The following RET variants were observed in gnomAD, a reference collection of about 807,000 sequenced individuals.
RET encodes the protein ret proto-oncogene.
RET carries 19 observed loss-of-function variants against 118.3 expected under a neutral mutation model. The observed-to-expected ratio is 0.16, with a 90% CI of 0.11 to 0.24. The LOEUF is 0.24. Ranked by LOEUF, RET falls within the 10% of genes least tolerant of loss-of-function variation. The pLI is 1.00. For synonymous variants in RET, 597 were observed against 644.1 expected, an observed-to-expected ratio of 0.93 and a Z score of 1.11; for missense variants, 1,219 against 1,502.1, an observed-to-expected ratio of 0.81 and a Z score of 3.12.
At chr10:43,109,431 T>G (rs780129661) in intron 6 of RET, among the ~76,000 whole-genome samples, 1 of 152,136 alleles carries the variant, frequency 6.6e-6, no homozygotes, top group African/African-American at 2.4e-5. Flanking sequence ...GGGGGCTCCT[T>G]GGGCCTCTCT....
At chr10:43,096,336 A>C (rs998916726) in intron 1 of RET, among the ~76,000 whole-genome samples, 4 of 151,890 alleles carry the variant, frequency 2.6e-5, no homozygotes, top group Non-Finnish European at 5.9e-5. Flanking sequence ...CAGGCTCAGC[A>C]CCTGCTGGCG....
In RET at chr10:43,113,579, G is replaced by A. The variant is rs1483605155; in HGVS notation, c.1783G>A (p.Glu595Lys). The A allele has an allele frequency of 1.9e-6, 3 of 1,610,212 alleles. No individual in the cohort carries two copies. The highest frequency in any genetic ancestry group is 3.4e-5 in the Admixed American group (2 of 59,550). The change falls in exon 10 of 20, where the codon GAG (glutamate) becomes AAG (lysine). Residue 595 changes from glutamate (E) to lysine (K), a missense_variant. Around this residue, in one of 5 missense-constraint regions of RET, gnomAD observed 850 missense variants for 969.6 expected, o/e 0.88. Transcript: ENST00000355710. ...AGGGGGCAGCATTGTTGGGGGACAC[G>A]AGCCTGGGGAGCCCCGGGGGATTAA... The part of the protein sequence containing the change: ...CLRGSIVGGH[E>K]PGEPRGIKAG...
At chr10:43,088,553 G>A (rs2132574713) in intron 1 of RET, among the ~76,000 whole-genome samples, 1 of 152,160 alleles carries the variant, frequency 6.6e-6, no homozygotes, top group East Asian at 1.9e-4. Flanking sequence ...TCGTGATGCA[G>A]CCATCTTCTG....
intron 6 of RET, 89 bp from the exon 7 acceptor site, chr10:43,111,106 GGGGGCTGTTCCA>G: frequency 6.4e-7 from 1 of 1,555,378 alleles, no homozygotes; most frequent in Non-Finnish European, 8.8e-7. Flanking sequence ...AGGCCCAGTT[GGGGGCTGTTCCA>G]GGACTTAGGC....
Position 43,123,745 on chromosome 10 carries a change from G to A in RET, c.2876G>A (p.Arg959Gln), listed in dbSNP as rs745650861. The change falls in exon 17 of 20, where the codon CGG becomes CAG. Residue 959 changes from arginine to glutamine, a missense_variant. Physicochemically the swap from Arg to Gln is conservative, Grantham distance 43. Coordinates refer to ENST00000355710, the MANE Select transcript of RET (RefSeq NM_020975.6). ...CCCTATCCTGGGATTCCTCCTGAGC[G>A]GCTCTTCAACCTTCTGAAGACCGGC... is the stretch of plus-strand genomic sequence containing the variant. Reference protein sequence around the residue: ...GNPYPGIPPERLFNLLKTGHR... With the variant: ...GNPYPGIPPEQLFNLLKTGHR... 1.5e-5 allele frequency: 25 copies of A among 1,614,056 alleles called. No individual in the cohort carries two copies. Among genetic ancestry groups the A allele is most frequent in the Middle Eastern group, 1.6e-4 (1 of 6,084 alleles).
chr10:43,119,428 T>C (rs546968470), intron 13 of RET, 103 bp from the exon 14 acceptor site: 24 of 893,322 alleles, frequency 2.7e-5, no homozygotes, highest in African/African-American at 6.6e-5. Context: ...CCCTTACTCA[T>C]TGGGTGGCCG....
chr10:43,118,521 C>T lies in RET; in HGVS notation c.2392+41C>T, dbSNP rs576267491. ...GGGTGAGGTGGGCAGCCACTGCACC[C>T]AGGCTGGGGGCTCCATACAGCCCTG... On this transcript the variant is annotated intron_variant, in intron 13 of 19. Coordinates refer to ENST00000355710, the MANE Select transcript of RET (RefSeq NM_020975.6). The T allele has an allele frequency of 1.4e-5, 21 of 1,455,352 alleles. No individual in the cohort carries two copies. The Admixed American group carries it at 2.5e-4, about 17-fold the overall frequency. The allele number at this position is 1,455,352 out of a possible 1,614,324, so 90.2% of individuals were successfully genotyped here.
chr10:43,127,429 G>GAAAGAACA, intron 19 of RET: 9 of 1,056,964 alleles, frequency 8.5e-6, no homozygotes, highest in Non-Finnish European at 1.0e-5. Flanking sequence ...CTGTGGTGCT[G>GAAAGAACA]TGGTCTTACA....
Position 43,119,575 on chromosome 10 carries a change from C to A in RET, c.2437C>A (p.Arg813=). Reference sequence around the variant, plus strand: ...GGAGTACGCCAAATACGGCTCCCTGCGGGGCTTCCTCCGCGAGAGCCGCAA... The same window carrying A: ...GGAGTACGCCAAATACGGCTCCCTGAGGGGCTTCCTCCGCGAGAGCCGCAA... The part of the protein sequence containing the change: ...IVEYAKYGSL[R]GFLRESRKVG... The change falls in exon 14 of 20, where the codon CGG becomes AGG. Residue 813 remains arginine (R), a synonymous_variant. Coordinates refer to ENST00000355710, the MANE Select transcript of RET (RefSeq NM_020975.6). 2 of 1,610,414 alleles carry A rather than the reference C, an allele frequency of 1.2e-6. No individual in the cohort carries two copies. The highest frequency in any genetic ancestry group is 4.5e-5 in the East Asian group (2 of 44,792).
At chr10:43,109,797 TTAA>T (rs199641359) in intron 6 of RET, among the ~76,000 whole-genome samples, 1 of 134,082 alleles carries the variant, frequency 7.5e-6, no homozygotes, top group Non-Finnish European at 1.7e-5. Context: ...TAAATATTCA[TTAA>T]AGAAGATGAG....
chr10:43,081,366 G>C (rs1837178399), intron 1 of RET, among the ~76,000 whole-genome samples: 2 of 152,250 alleles, frequency 1.3e-5, no homozygotes, highest in Admixed American at 6.5e-5. Flanking sequence ...GCACTCCTGA[G>C]GGAGCCTCGG....
At chr10:43,102,978 A>G (rs573075892) in intron 3 of RET, 1 of 377,856 alleles carries the variant, frequency 2.6e-6, no homozygotes, top group Non-Finnish European at 5.1e-6. Flanking sequence ...ACAGACGAGG[A>G]GACCTCCATT....
At chr10:43,079,910 C>T (rs554030577) in intron 1 of RET, among the ~76,000 whole-genome samples, 18 of 152,324 alleles carry the variant, frequency 1.2e-4, no homozygotes, top group East Asian at 3.9e-4. Flanking sequence ...ACCAGGTTCA[C>T]CTGGGCCTGG....
At chr10:43,104,633 G>C in intron 3 of RET, 1 of 504,930 alleles carries the variant, frequency 2.0e-6, no homozygotes, top group Non-Finnish European at 3.6e-6. Flanking sequence ...GGCCAGGTGG[G>C]CGGAGGGGTG....
At position 43,077,125 on chromosome 10, in the gene RET, G is replaced by A. The variant is rs1474984474; in HGVS notation, c.-134G>A. On this transcript the variant is annotated 5_prime_UTR_variant, in exon 1 of 20. Coordinates refer to ENST00000355710, the MANE Select transcript of RET (RefSeq NM_020975.6). ...CGCTGAGTGCCCCGGAACGTGCGTC[G>A]CGCCCCCAGTGTCCGTCGCGTCCGC... The A allele has an allele frequency of 2.8e-5, 34 of 1,234,316 alleles. No homozygotes were observed. The highest frequency in any genetic ancestry group is 3.0e-5 in the Non-Finnish European group (29 of 969,554). 76.5% of individuals were successfully genotyped at this position (1,234,316 alleles called of 1,614,324 possible). A position where few individuals can be genotyped will look rare whatever the true frequency, so the allele number is the denominator to read the frequency against.
At chr10:43,097,285 G>A (rs1837541684) in intron 1 of RET, among the ~76,000 whole-genome samples, 1 of 152,186 alleles carries the variant, frequency 6.6e-6, no homozygotes, top group South Asian at 2.1e-4. Flanking sequence ...TGCGACAGAT[G>A]GGGTGCCAGG....
intron 1 of RET, among the ~76,000 whole-genome samples, chr10:43,084,567 A>C (rs2435359): frequency 3.3e-5 from 5 of 152,102 alleles, no homozygotes; most frequent in African/African-American, 1.2e-4. Context: ...CTGTCTTGCC[A>C]TACAGCTGAC....
intron 1 of RET, among the ~76,000 whole-genome samples, chr10:43,083,456 C>A (rs1441155738): frequency 6.6e-6 from 1 of 152,226 alleles, no homozygotes. Flanking sequence ...GGTGGCCACA[C>A]CTCCCAGCCC....
chr10:43,098,421 C>CTTT (rs36075879), intron 1 of RET, among the ~76,000 whole-genome samples: 7,402 of 129,688 alleles, frequency 0.057, 361 homozygotes, highest in South Asian at 0.14. Flanking sequence ...GATTTTCCTC[C>CTTT]TTTTTTTTTT....
Sources: gnomAD v4.1 joint callset for allele counts (sites outside exome capture counted in the v4.1 genomes callset) on GRCh38, gnomAD v4.1.1 for gene constraint, gnomAD v4.1.1 regional missense constraint, MANE v1.5 for transcripts, NCBI Gene and HGNC (gene_info 2026-07-23, HGNC 2026-07-21) for gene names.